Variants in CCDC171 observed in about 807,000 individuals in gnomAD.
CCDC171 encodes the protein coiled-coil domain-containing protein 171.
In CCDC171, 177 loss-of-function variants were observed where a neutral mutation model predicts 168.2. The ratio of observed to expected loss-of-function variants is 1.05; its 90% CI spans 0.93 to 1.19. The LOEUF is 1.19. Ranked by LOEUF, CCDC171 falls within the 50% of genes most tolerant of loss-of-function variation. CCDC171 has a pLI of 0.00. For synonymous variants in CCDC171, 687 were observed against 540.8 expected (o/e 1.27, Z -3.75); for missense variants, 1,991 against 1,539.0 (o/e 1.29, Z -4.91).
At chr9:15,935,985 A>G (rs1827065511) in intron 25 of CCDC171, among the ~76,000 whole-genome samples, 1 of 152,082 alleles carries the variant, frequency 6.6e-6, no homozygotes, top group African/African-American at 2.4e-5. Context: ...ACATTGCAGA[A>G]AACAACTTAG....
chr9:15,747,797 A>G (rs6474962), intron 18 of CCDC171, among the ~76,000 whole-genome samples: 70,041 of 152,028 alleles, frequency 0.46, 16,458 homozygotes, highest in Non-Finnish European at 0.5. Context: ...GGGAGAAACC[A>G]GAGCAGAAAG....
intron 6 of CCDC171, among the ~76,000 whole-genome samples, chr9:16,030,192 G>A (rs1453837852): frequency 6.6e-6 from 1 of 151,998 alleles, no homozygotes; most frequent in East Asian, 1.9e-4. Context: ...TACATTTTGA[G>A]GCAAGGTCAC....
chr9:15,625,376 T>C (rs1306182324), intron 7 of CCDC171, among the ~76,000 whole-genome samples: 2 of 152,148 alleles, frequency 1.3e-5, no homozygotes, highest in Admixed American at 6.6e-5. Flanking sequence ...GTGTTTTAGT[T>C]ATGAAGTCCT....
intron 23 of CCDC171, among the ~76,000 whole-genome samples, chr9:15,852,456 G>T (rs2061170649): frequency 6.6e-6 from 1 of 151,606 alleles, no homozygotes; most frequent in South Asian, 2.1e-4. Context: ...AGTTTTAAGA[G>T]TTCTTTGCAT....
intron 23 of CCDC171, among the ~76,000 whole-genome samples, chr9:15,853,412 ATTTTTGTATGTTTATC>A (rs1175583294): frequency 6.6e-6 from 1 of 151,458 alleles, no homozygotes; most frequent in Non-Finnish European, 1.5e-5. Context: ...AGTACAACTG[ATTTTTGTATGTTTATC>A]TTTTTGTATG....
At chr9:15,582,538 C>T (rs972819759) in intron 4 of CCDC171, among the ~76,000 whole-genome samples, 5 of 152,110 alleles carry the variant, frequency 3.3e-5, no homozygotes, top group African/African-American at 9.7e-5. Context: ...CCCAAATGGC[C>T]ATCAATGATA....
intron 25 of CCDC171, 88 bp downstream of exon 25, chr9:15,920,510 G>C: frequency 1.1e-6 from 1 of 914,924 alleles, no homozygotes; most frequent in Non-Finnish European, 1.6e-6. Flanking sequence ...AAGATCATTT[G>C]CCAATATATA....
chr9:15,606,486 G>T (rs146726343), intron 6 of CCDC171, among the ~76,000 whole-genome samples: 1 of 152,080 alleles, frequency 6.6e-6, no homozygotes, highest in African/African-American at 2.4e-5. Flanking sequence ...TGCTAGCCTT[G>T]GGGACTTAGA....
chr9:15,557,316 A>G (rs1262474440), intron 1 of CCDC171, among the ~76,000 whole-genome samples: 1 of 152,150 alleles, frequency 6.6e-6, no homozygotes, highest in East Asian at 1.9e-4. Context: ...CACTGAATCT[A>G]TAAATTACCT....
At chr9:15,609,632 A>G (rs1278205266) in intron 6 of CCDC171, among the ~76,000 whole-genome samples, 1 of 152,174 alleles carries the variant, frequency 6.6e-6, no homozygotes, top group Non-Finnish European at 1.5e-5. Flanking sequence ...TCATACATCA[A>G]GTTCTTTTAT....
chr9:15,708,222 A>C (rs1159866541), intron 11 of CCDC171, among the ~76,000 whole-genome samples: 1 of 152,250 alleles, frequency 6.6e-6, no homozygotes, highest in Non-Finnish European at 1.5e-5. Context: ...TTAAAGTGTC[A>C]ACAGCCTGGT....
rs544987357 is a variant in CCDC171, at chr9:15,991,343, G to C, written n.369-29246G>C. On this transcript the variant is annotated intron_variant and non_coding_transcript_variant, in intron 3 of 9. Coordinates refer to the CCDC171 transcript ENST00000486641. ...TCTGAATGACTACTGGGTACATAAT[G>C]AAATGAAGGCAGAAATAAAGATGTT... is the stretch of plus-strand genomic sequence containing the variant. Among the ~76,000 whole-genome samples the C allele has an allele frequency of 9.9e-5, 15 of 151,882 alleles. No homozygotes were observed. In the South Asian group the frequency reaches 1.5e-3, roughly 15 times the overall value.
At chr9:15,892,985 C>A (rs1820421420) in intron 24 of CCDC171, among the ~76,000 whole-genome samples, 2 of 152,088 alleles carry the variant, frequency 1.3e-5, no homozygotes, top group Non-Finnish European at 2.9e-5. Context: ...CAAGACAATC[C>A]TAAGCAAAAA....
intron 7 of CCDC171, among the ~76,000 whole-genome samples, chr9:15,635,001 T>C (rs1427249080): frequency 6.6e-6 from 1 of 152,208 alleles, no homozygotes; most frequent in Non-Finnish European, 1.5e-5. Context: ...CTGAATGATA[T>C]TCTGTTGTGT....
At chr9:16,018,103 GAC>G (rs1453886174) in intron 3 of CCDC171, among the ~76,000 whole-genome samples, 1 of 152,184 alleles carries the variant, frequency 6.6e-6, no homozygotes, top group African/African-American at 2.4e-5. Flanking sequence ...AGTGCAGGAA[GAC>G]CCCTGAGAAG....
intron 11 of CCDC171, among the ~76,000 whole-genome samples, chr9:15,710,096 ACT>A (rs1362665924): frequency 2.0e-5 from 3 of 152,138 alleles, no homozygotes; most frequent in African/African-American, 7.2e-5. Context: ...TTTAACTTTG[ACT>A]CTAAAAAATG....
At chr9:15,899,108 G>A (rs1196911046) in intron 24 of CCDC171, among the ~76,000 whole-genome samples, 3 of 152,150 alleles carry the variant, frequency 2.0e-5, no homozygotes, top group Non-Finnish European at 4.4e-5. Context: ...TCAGTGTAAT[G>A]CTCTTGAGAT....
chr9:15,814,945 C>T (rs74536031), intron 21 of CCDC171, among the ~76,000 whole-genome samples: 2,726 of 152,238 alleles, frequency 0.018, 97 homozygotes, highest in African/African-American at 0.062. Flanking sequence ...GCTTCTGAAG[C>T]TGGAGTATTA....
chr9:15,662,928 C>CTGAG (rs1338985157), intron 8 of CCDC171, among the ~76,000 whole-genome samples: 3 of 152,162 alleles, frequency 2.0e-5, no homozygotes, highest in Non-Finnish European at 4.4e-5. Context: ...TTGCAGTGAG[C>CTGAG]TGAGATTGCA....
Sources: allele counts gnomAD v4.1 joint callset (sites outside exome capture counted in the v4.1 genomes callset), GRCh38; gene constraint gnomAD v4.1.1; transcripts MANE v1.5; gene names NCBI Gene and HGNC (gene_info 2026-07-23, HGNC 2026-07-21).